The following ERG variants were observed in gnomAD, a reference collection of about 807,000 sequenced individuals.
ERG encodes transcriptional regulator ERG.
Under a neutral mutation model 55.3 loss-of-function variants are expected in ERG, and 9 were observed. The ratio of observed to expected loss-of-function variants is 0.16; its 90% CI spans 0.10 to 0.28. The LOEUF is 0.28. ERG is among the 10% of genes least tolerant of loss of function. The pLI, the probability that ERG is intolerant of heterozygous loss-of-function variation, is 1.00. For missense variants in ERG, 434 were observed against 631.6 expected, an observed-to-expected ratio of 0.69 and a Z score of 3.35; for synonymous variants, 223 against 237.3, an observed-to-expected ratio of 0.94 and a Z score of 0.55.
At chr21:38,648,970 C>T (rs1221523107) in intron 1 of ERG, among the ~76,000 whole-genome samples, 1 of 152,156 alleles carries the variant, frequency 6.6e-6, no homozygotes, top group Admixed American at 6.5e-5. Flanking sequence ...GAGGAAGGGG[C>T]ATTGCTCAGC....
intron 9 of ERG, among the ~76,000 whole-genome samples, chr21:38,385,402 C>A (rs1181618838): frequency 6.6e-6 from 1 of 152,184 alleles, no homozygotes; most frequent in Non-Finnish European, 1.5e-5. Flanking sequence ...ATTAAAGTAA[C>A]TTTAACTGAC....
chr21:38,409,261 A>C (rs558231855), intron 3 of ERG, among the ~76,000 whole-genome samples: 103 of 152,168 alleles, frequency 6.8e-4, no homozygotes, highest in African/African-American at 2.3e-3. Flanking sequence ...AGGCGGGTGG[A>C]TCACCTGAGG....
intron 1 of ERG, among the ~76,000 whole-genome samples, chr21:38,611,736 T>A (rs2060228541): frequency 6.6e-6 from 1 of 152,096 alleles, no homozygotes; most frequent in Non-Finnish European, 1.5e-5. Flanking sequence ...TGTCTGTCTG[T>A]CTCCTGCCTG....
At chr21:38,562,092 C>T (rs951028849) in intron 2 of ERG, among the ~76,000 whole-genome samples, 1 of 152,150 alleles carries the variant, frequency 6.6e-6, no homozygotes, top group Non-Finnish European at 1.5e-5. Context: ...TGCCTGCAAG[C>T]TCACTATTAT....
chr21:38,571,662 T>C (rs2059958720), intron 2 of ERG, among the ~76,000 whole-genome samples: 1 of 152,240 alleles, frequency 6.6e-6, no homozygotes, highest in Non-Finnish European at 1.5e-5. Context: ...CTGCTCATTT[T>C]GTTTGTAAAT....
At chr21:38,387,640 T>A (rs910184337) in intron 9 of ERG, among the ~76,000 whole-genome samples, 1 of 151,974 alleles carries the variant, frequency 6.6e-6, no homozygotes. Flanking sequence ...AAAATCAGAG[T>A]TTAAGGAAAG....
intron 1 of ERG, among the ~76,000 whole-genome samples, chr21:38,459,137 C>T (rs2059017542): frequency 6.6e-6 from 1 of 152,196 alleles, no homozygotes; most frequent in Admixed American, 6.5e-5. Context: ...ATCATTTCTT[C>T]CAAGCCATCA....
intron 1 of ERG, among the ~76,000 whole-genome samples, chr21:38,474,980 C>T (rs1364173624): frequency 6.6e-6 from 1 of 152,152 alleles, no homozygotes; most frequent in Non-Finnish European, 1.5e-5. Context: ...CTAACCTGCA[C>T]ACTAGCTACC....
At chr21:38,633,423 A>ACT (rs1421433794) in intron 1 of ERG, among the ~76,000 whole-genome samples, 1 of 152,088 alleles carries the variant, frequency 6.6e-6, no homozygotes, top group Non-Finnish European at 1.5e-5. Context: ...TTAAAAAGTG[A>ACT]CTCTTCATAG....
chr21:38,375,411 G>A (rs1987215528), downstream of ERG, among the ~76,000 whole-genome samples: 1 of 152,098 alleles, frequency 6.6e-6, no homozygotes, highest in African/African-American at 2.4e-5. Flanking sequence ...ATCTCTCCAA[G>A]GGCAAGAACT....
At chr21:38,447,952 CAA>C (rs1216047753) in intron 1 of ERG, among the ~76,000 whole-genome samples, 1 of 151,970 alleles carries the variant, frequency 6.6e-6, no homozygotes. Flanking sequence ...TTTAAAATTA[CAA>C]ACTAAAAAGG....
At chr21:38,433,123 A>T (rs1375848428) in intron 2 of ERG, among the ~76,000 whole-genome samples, 1 of 152,228 alleles carries the variant, frequency 6.6e-6, no homozygotes, top group African/African-American at 2.4e-5. Context: ...CTCAATTTGC[A>T]GTTAAGCGTT....
At chr21:38,641,012 T>C (rs2060421546) in intron 1 of ERG, among the ~76,000 whole-genome samples, 1 of 152,186 alleles carries the variant, frequency 6.6e-6, no homozygotes. Flanking sequence ...AATTTCACAG[T>C]GAATAAACTA....
chr21:38,524,731 T>G (rs79292899), intron 2 of ERG, among the ~76,000 whole-genome samples: 2,562 of 152,286 alleles, frequency 0.017, 74 homozygotes, highest in African/African-American at 0.058. Context: ...AGAAAGTGGT[T>G]AACTGTTTAA....
intron 4 of ERG, among the ~76,000 whole-genome samples, chr21:38,403,030 G>A (rs1011176796): frequency 6.6e-6 from 1 of 152,306 alleles, no homozygotes; most frequent in South Asian, 2.1e-4. Flanking sequence ...AGGTTAAGCC[G>A]AATCACATGA....
intron 2 of ERG, among the ~76,000 whole-genome samples, chr21:38,442,364 C>A (rs1260892572): frequency 6.6e-6 from 1 of 152,172 alleles, no homozygotes; most frequent in African/African-American, 2.4e-5. Flanking sequence ...CACTTCCCTG[C>A]AGCCTGGGTA....
chr21:38,461,611 C>T (rs1361591972), intron 1 of ERG, among the ~76,000 whole-genome samples: 2 of 152,160 alleles, frequency 1.3e-5, no homozygotes, highest in Non-Finnish European at 2.9e-5. Context: ...GTCCAGGAAC[C>T]CCCTGGGGTC....
downstream of ERG, among the ~76,000 whole-genome samples, chr21:38,378,442 C>T (rs1291657982): frequency 6.6e-6 from 1 of 152,196 alleles, no homozygotes; most frequent in Non-Finnish European, 1.5e-5. Flanking sequence ...CCTGCTGAGC[C>T]CACCTTTAGT....
chr21:38,562,976 G>A lies in ERG; in HGVS notation c.-41+12686C>T, dbSNP rs748566468. On this transcript the variant is annotated intron_variant, in intron 2 of 8. Transcript: ENST00000398897. ...AAGAGCTACTAAGCCATGAAAAGAC[G>A]AGGAGGAAGCTTAAATGCACATTAC... is the stretch of plus-strand genomic sequence containing the variant. Among the ~76,000 whole-genome samples the A allele has an allele frequency of 7.2e-5, 11 of 152,270 alleles. No homozygotes were observed. In the South Asian group the frequency reaches 1.0e-3, roughly 14 times the overall value.
Sources: allele counts gnomAD v4.1 joint callset (sites outside exome capture counted in the v4.1 genomes callset), GRCh38; gene constraint gnomAD v4.1.1; transcripts MANE v1.5; gene names NCBI Gene and HGNC (gene_info 2026-07-23, HGNC 2026-07-21).